Variants in EYS observed in about 807,000 individuals in gnomAD.
The protein encoded by EYS is protein eyes shut homolog.
In EYS, 250 loss-of-function variants were observed where a neutral mutation model predicts 282.1. The observed-to-expected ratio is 0.89, with a 90% CI of 0.80 to 0.98. The LOEUF is 0.98. Ranked by LOEUF, EYS falls within the 50% of genes least tolerant of loss-of-function variation. The pLI, the probability that EYS is intolerant of heterozygous loss-of-function variation, is 0.00. For synonymous variants in EYS, 1,355 were observed against 1,282.9 expected (o/e 1.06, Z -1.20); for missense variants, 4,016 against 3,709.0 (o/e 1.08, Z -2.15).
chr6:63,944,650 C>T (rs911867211), intron 35 of EYS, among the ~76,000 whole-genome samples: 1 of 152,018 alleles, frequency 6.6e-6, no homozygotes, highest in Non-Finnish European at 1.5e-5. Context: ...CTATACTGGC[C>T]AGGAGTGGTG....
intron 21 of EYS, among the ~76,000 whole-genome samples, chr6:64,814,043 C>A (rs1391682139): frequency 6.6e-6 from 1 of 152,110 alleles, no homozygotes; most frequent in African/African-American, 2.4e-5. Context: ...TTAGAACAAA[C>A]ATTTCACAAT....
rs1173344081 is a variant in EYS, at chr6:64,174,957, A to G, written c.6424+55635T>C. Among the ~76,000 whole-genome samples the G allele has an allele frequency of 6.6e-5, 10 of 152,208 alleles. No individual in the cohort carries two copies. In the East Asian group the frequency reaches 1.7e-3, roughly 26 times the overall value. Reference sequence around the variant, plus strand: ...TAAAACTAGTAGACTAAAGAAGGTAATCTTTGCAAGGTTGTTAGAAATACC... The same window carrying G: ...TAAAACTAGTAGACTAAAGAAGGTAGTCTTTGCAAGGTTGTTAGAAATACC... On this transcript the variant is annotated intron_variant, in intron 31 of 42. Coordinates refer to ENST00000503581, the MANE Select transcript of EYS (RefSeq NM_001142800.2).
intron 12 of EYS, among the ~76,000 whole-genome samples, chr6:65,097,786 A>C (rs1774780577): frequency 6.7e-6 from 1 of 149,002 alleles, no homozygotes; most frequent in African/African-American, 2.5e-5. Context: ...ACTAATAGGA[A>C]GTACCTAAAA....
chr6:64,776,729 G>A (rs753763406), intron 22 of EYS, among the ~76,000 whole-genome samples: 11 of 151,956 alleles, frequency 7.2e-5, no homozygotes, highest in Non-Finnish European at 1.5e-4. Context: ...TGGTGCTTAG[G>A]GAATGAATAA....
At chr6:65,395,438 A>G (rs1361552887) in intron 7 of EYS, among the ~76,000 whole-genome samples, 3 of 152,164 alleles carry the variant, frequency 2.0e-5, no homozygotes, top group African/African-American at 7.2e-5. Context: ...TTTAAAGTGT[A>G]AAGTGTGATA....
intron 2 of EYS, among the ~76,000 whole-genome samples, chr6:65,515,362 C>A (rs1251090155): frequency 6.6e-6 from 1 of 152,090 alleles, no homozygotes; most frequent in Non-Finnish European, 1.5e-5. Context: ...ACTAGTTCAA[C>A]CATTGTGGAA....
At chr6:63,900,120 T>G (rs1251536901) in intron 35 of EYS, among the ~76,000 whole-genome samples, 1 of 152,206 alleles carries the variant, frequency 6.6e-6, no homozygotes, top group Admixed American at 6.5e-5. Context: ...AGATTTTTTT[T>G]ACCTGCTACT....
chr6:65,614,678 TAGAG>T (rs1766122110), intron 2 of EYS, among the ~76,000 whole-genome samples: 1 of 152,088 alleles, frequency 6.6e-6, no homozygotes, highest in Non-Finnish European at 1.5e-5. Flanking sequence ...TATTATTAGA[TAGAG>T]AAAGTGGTTG....
chr6:65,245,028 G>A (rs1183273655), intron 12 of EYS, among the ~76,000 whole-genome samples: 2 of 152,134 alleles, frequency 1.3e-5, no homozygotes. Context: ...GGTGAAAATT[G>A]TACTGCTGCT....
chr6:65,666,445 G>A (rs1257696837), intron 1 of EYS, among the ~76,000 whole-genome samples: 1 of 151,714 alleles, frequency 6.6e-6, no homozygotes, highest in Non-Finnish European at 1.5e-5. Flanking sequence ...GTTTTAAAAT[G>A]GGGATAATTA....
intron 22 of EYS, among the ~76,000 whole-genome samples, chr6:64,664,319 C>T (rs1271112204): frequency 6.6e-6 from 1 of 152,074 alleles, no homozygotes; most frequent in African/African-American, 2.4e-5. Flanking sequence ...CTGTTTTTAG[C>T]CTAATTGGTG....
intron 31 of EYS, among the ~76,000 whole-genome samples, 195 bp from the exon 32 acceptor site, chr6:64,082,197 T>A (rs1771996017): frequency 6.6e-6 from 1 of 152,128 alleles, no homozygotes; most frequent in Non-Finnish European, 1.5e-5. Context: ...TCACTACCAG[T>A]ACAGAGGAAA....
At chr6:65,558,569 C>T (rs1043030626) in intron 2 of EYS, among the ~76,000 whole-genome samples, 2 of 152,204 alleles carry the variant, frequency 1.3e-5, no homozygotes, top group East Asian at 3.9e-4. Flanking sequence ...ATTGCACATC[C>T]CCAGTCAAGC....
chr6:64,375,203 T>C (rs1417395282), intron 29 of EYS, among the ~76,000 whole-genome samples: 1 of 152,230 alleles, frequency 6.6e-6, no homozygotes, highest in Admixed American at 6.5e-5. Context: ...CCTGTGGTCA[T>C]TTAGAAAGAT....
intron 16 of EYS, among the ~76,000 whole-genome samples, chr6:64,911,915 C>A (rs572856281): frequency 3.9e-5 from 6 of 152,246 alleles, no homozygotes; most frequent in African/African-American, 1.4e-4. Context: ...CCCAGAAAGC[C>A]AGAAATATCC....
intron 30 of EYS, among the ~76,000 whole-genome samples, chr6:64,302,675 A>G (rs757596839): frequency 2.2e-4 from 33 of 152,264 alleles, no homozygotes; most frequent in Admixed American, 5.9e-4. Flanking sequence ...CATCCTTAAA[A>G]ATATGCTCAA....
intron 31 of EYS, among the ~76,000 whole-genome samples, chr6:64,085,330 ACGTG>A (rs1321201225): frequency 1.4e-4 from 16 of 117,112 alleles, no homozygotes; most frequent in African/African-American, 5.2e-4. Flanking sequence ...GCGCGTGCGC[ACGTG>A]CGCGCGCACA....
intron 22 of EYS, among the ~76,000 whole-genome samples, chr6:64,668,577 T>C (rs1269686614): frequency 8.2e-6 from 1 of 122,188 alleles, no homozygotes; most frequent in African/African-American, 3.2e-5. Flanking sequence ...CGGGACAGAG[T>C]CTCGCTCTGT....
intron 30 of EYS, among the ~76,000 whole-genome samples, chr6:64,247,141 A>G (rs1346340107): frequency 1.3e-5 from 2 of 152,212 alleles, no homozygotes; most frequent in Non-Finnish European, 2.9e-5. Context: ...CCAAATTAAC[A>G]TAAAACTTAC....
Sources: allele counts gnomAD v4.1 joint callset (sites outside exome capture counted in the v4.1 genomes callset), GRCh38; gene constraint gnomAD v4.1.1; transcripts MANE v1.5; gene names NCBI Gene and HGNC (gene_info 2026-07-23, HGNC 2026-07-21).